KIF23: variants seen among roughly 807,000 people sequenced by gnomAD.
KIF23 encodes the protein kinesin-like protein KIF23.
Under a neutral mutation model 137.5 loss-of-function variants are expected in KIF23, and 30 were observed. That is an observed-to-expected ratio of 0.22 (90% CI 0.16 to 0.30). KIF23 has a LOEUF of 0.30. Ranked by LOEUF, KIF23 falls within the 10% of genes least tolerant of loss-of-function variation. KIF23 has a pLI of 1.00. For synonymous variants in KIF23, 367 were observed against 391.1 expected (o/e 0.94, Z 0.73); for missense variants, 920 against 1,194.3 (o/e 0.77, Z 3.38).
chr15:69,421,889 CT>C (rs1567059573), intron 4 of KIF23, 102 bp from the exon 5 acceptor site: 2 of 1,453,432 alleles, frequency 1.4e-6, no homozygotes, highest in Non-Finnish European at 1.9e-6. Context: ...CTAAACTTGC[CT>C]TTTTTGAGCT....
chr15:69,426,631 G>A (rs1052272977), intron 10 of KIF23, 174 bp downstream of exon 10: 3 of 640,462 alleles, frequency 4.7e-6, no homozygotes, highest in Non-Finnish European at 8.0e-6. Context: ...TGAGGCAGGA[G>A]GATCGCTTGA....
At chr15:69,435,030 T>C in intron 11 of KIF23, 1 of 580,912 alleles carries the variant, frequency 1.7e-6, no homozygotes, top group South Asian at 2.3e-5. Context: ...GGCATCTCCC[T>C]GGTGTGGTCC....
In KIF23 at chr15:69,436,588, T is replaced by C. The variant is rs934402669; in HGVS notation, c.1463T>C (p.Leu488Ser). The part of the protein sequence containing the change: ...GNEPLVTDVV[L>S]QSFPPLPSCE... Reference sequence around the variant, plus strand: ...GAACCATTGGTTACTGACGTGGTTTTGCAGAGTTTTCCACCTTTGCCATCA... The same window carrying C: ...GAACCATTGGTTACTGACGTGGTTTCGCAGAGTTTTCCACCTTTGCCATCA... Residue 488 changes from leucine (L) to serine (S), a missense_variant, in exon 15 of 24, where the codon TTG (leucine) becomes TCG (serine). Physicochemically the swap from Leu to Ser is moderately radical, Grantham distance 145 (BLOSUM62 -2). Around this residue, in one of 4 missense-constraint regions of KIF23, gnomAD observed 714 missense variants for 866.2 expected, o/e 0.82. Transcript: ENST00000679126. 2 of 1,611,684 alleles carry C rather than the reference T, an allele frequency of 1.2e-6. No homozygotes were observed. Among genetic ancestry groups the C allele is most frequent in the African/African-American group, 1.3e-5 (1 of 74,836 alleles).
In KIF23 at chr15:69,426,401, T is replaced by G. The variant is rs1223694373; in HGVS notation, c.955T>G (p.Phe319Val). The G allele has an allele frequency of 6.2e-7, 1 of 1,614,096 alleles. No homozygotes were observed. Among genetic ancestry groups the G allele is most frequent in the Admixed American group, 1.7e-5 (1 of 60,010 alleles). Residue 319 changes from phenylalanine to valine, a missense_variant, in exon 10 of 24, where the codon TTC becomes GTC. Physicochemically the swap from Phe to Val is conservative, Grantham distance 50. This residue lies in a region of KIF23 where 714 missense variants were observed against 866.2 expected (regional missense o/e 0.82). Transcript: ENST00000679126. ...NRESSRSHSV[F>V]NIKLVQAPLD... is the part of the protein sequence containing the mutation. ...TGAGTCCAGCCGTTCCCATAGCGTG[T>G]TCAACATTAAATTAGTTCAGGCTCC...
chr15:69,432,004 T>A (rs2057366410), intron 11 of KIF23, among the ~76,000 whole-genome samples: 1 of 152,182 alleles, frequency 6.6e-6, no homozygotes, highest in Admixed American at 6.5e-5. Context: ...GTCTACCCAG[T>A]GCAGCTTACC....
chr15:69,440,320 G>A lies in KIF23; in HGVS notation c.1942G>A (p.Ala648Thr). The change falls in exon 18 of 24, where the codon GCA becomes ACA. Residue 648 changes from alanine (A) to threonine (T), a missense_variant. Physicochemically the swap from Ala to Thr is moderately conservative, Grantham distance 58. Around this residue, in one of 4 missense-constraint regions of KIF23, gnomAD observed 714 missense variants for 866.2 expected, o/e 0.82. Transcript: ENST00000679126. ...KWEKECERRVAAKQLEMQNKL... is the reference protein window; with the variant it reads ...KWEKECERRVTAKQLEMQNKL... ...TGATAATCTGTAGGAGCGTAGAGTG[G>A]CAGCCAAACAGCTGGAGATGCAGAA... 1.2e-6 allele frequency: 2 copies of A among 1,612,822 alleles called. No individual in the cohort carries two copies. The highest frequency in any genetic ancestry group is 2.2e-5 in the East Asian group (1 of 44,842).
chr15:69,436,817 C>T, intron 15 of KIF23, 95 bp downstream of exon 15: 1 of 756,124 alleles, frequency 1.3e-6, no homozygotes, highest in Non-Finnish European at 1.9e-6. Context: ...TGCAGTGGCA[C>T]AATCTCGGTT....
intron 3 of KIF23, among the ~76,000 whole-genome samples, chr15:69,417,712 G>T (rs919556158): frequency 5.3e-5 from 8 of 152,192 alleles, no homozygotes; most frequent in Non-Finnish European, 4.4e-5. Flanking sequence ...TTAGAGGATT[G>T]CTTTTAGCAG....
intron 11 of KIF23, chr15:69,434,840 G>A (rs2140373468): frequency 3.4e-6 from 3 of 873,346 alleles, no homozygotes; most frequent in East Asian, 5.0e-5. Context: ...TAATGTCCAG[G>A]CACAGGGCAT....
intron 7 of KIF23, 74 bp downstream of exon 7, chr15:69,423,403 C>T (rs573922343): frequency 2.1e-6 from 2 of 934,344 alleles, no homozygotes; most frequent in African/African-American, 1.7e-5. Flanking sequence ...GTTTTAGTTT[C>T]TTCAGTTATG....
rs945009724 is a variant in KIF23 at position 69,440,035 on chromosome 15, A to G, written c.1887A>G (p.Gln629=). ...SDKRRLEARL[Q]GMVTETTMKW... ...AACGCAGATTAGAAGCCAGGTTGCAAGGCATGGTGACAGAAACGACAATGA... is the reference window on the plus strand; with the variant it reads ...AACGCAGATTAGAAGCCAGGTTGCAGGGCATGGTGACAGAAACGACAATGA... The change falls in exon 17 of 24, where the codon CAA becomes CAG. Residue 629 remains glutamine, a synonymous_variant. Transcript: ENST00000679126. 2 of 1,613,870 alleles carry G rather than the reference A, an allele frequency of 1.2e-6. No homozygotes were observed. Among genetic ancestry groups the G allele is most frequent in the African/African-American group, 1.3e-5 (1 of 74,936 alleles).
At chr15:69,430,638 C>G (rs1228420291) in intron 11 of KIF23, among the ~76,000 whole-genome samples, 1 of 152,154 alleles carries the variant, frequency 6.6e-6, no homozygotes, top group Non-Finnish European at 1.5e-5. Flanking sequence ...TCCTGAGATA[C>G]TATGGCAGAG....
At chr15:69,428,715 TA>T (rs1444185612) in intron 10 of KIF23, among the ~76,000 whole-genome samples, 5 of 149,346 alleles carry the variant, frequency 3.3e-5, no homozygotes, top group South Asian at 2.1e-4. Flanking sequence ...ATTATGAAAT[TA>T]TAAGATTATT....
At chr15:69,443,326 G>GTTTTTTT (rs10538305) in intron 19 of KIF23, among the ~76,000 whole-genome samples, 1 of 58,598 alleles carries the variant, frequency 1.7e-5, no homozygotes, top group Admixed American at 2.3e-4. Context: ...TGTTTTTTGG[G>GTTTTTTT]TTTTTTTTTT....
chr15:69,427,894 G>A (rs527683036), intron 10 of KIF23, among the ~76,000 whole-genome samples: 2 of 152,316 alleles, frequency 1.3e-5, no homozygotes, highest in Admixed American at 6.5e-5. Context: ...AGAATTAAAG[G>A]AGGTAATGCG....
At chr15:69,442,341 TTAAGG>T (rs1341582008) in intron 19 of KIF23, among the ~76,000 whole-genome samples, 1 of 152,236 alleles carries the variant, frequency 6.6e-6, no homozygotes, top group Non-Finnish European at 1.5e-5. Context: ...TTCTTAAAGA[TTAAGG>T]TAAAGTTTCT....
At chr15:69,438,209 G>C in intron 15 of KIF23, 39 bp from the exon 16 acceptor site, 2 of 1,550,134 alleles carry the variant, frequency 1.3e-6, no homozygotes, top group South Asian at 2.4e-5. Context: ...GTTTGTTTTA[G>C]AACTGGTGTA....
Position 69,433,459 on chromosome 15 carries a change from T to C in KIF23, c.1115-2024T>C, listed in dbSNP as rs79704787. Among the ~76,000 whole-genome samples the C allele has an allele frequency of 7.2e-3, 1,095 of 152,296 alleles. 17 individuals are homozygous for C. The highest frequency in any genetic ancestry group is 0.024 in the African/African-American group (1,017 of 41,566). On this transcript the variant is annotated intron_variant, in intron 11 of 23. Coordinates refer to ENST00000679126, the MANE Select transcript of KIF23 (RefSeq NM_001367805.3). ...CACCTAAGAAATCCTTGCTGAGATG[T>C]AGAGGGGACAGAGTTAGCTGATTCT...
chr15:69,418,037 A>T (rs773989236), intron 3 of KIF23, among the ~76,000 whole-genome samples: 1 of 152,230 alleles, frequency 6.6e-6, no homozygotes, highest in African/African-American at 2.4e-5. Context: ...CTTAAGATAT[A>T]TGGTAAACAA....
Sources: gnomAD v4.1 joint callset for allele counts (sites outside exome capture counted in the v4.1 genomes callset) on GRCh38, gnomAD v4.1.1 for gene constraint, gnomAD v4.1.1 regional missense constraint, MANE v1.5 for transcripts, NCBI Gene and HGNC (gene_info 2026-07-23, HGNC 2026-07-21) for gene names.